LDAH: variants seen among roughly 807,000 people sequenced by gnomAD.
The protein encoded by LDAH is lipid droplet-associated hydrolase.
Under a neutral mutation model 29.6 loss-of-function variants are expected in LDAH, and 26 were observed. The observed-to-expected ratio is 0.88, with a 90% CI of 0.64 to 1.22. The LOEUF is 1.22. Ranked by LOEUF, LDAH falls within the 50% of genes most tolerant of loss-of-function variation. The probability of loss-of-function intolerance (pLI) is 0.00; values close to 1 mark genes in which losing one functional copy is unlikely to be tolerated. For synonymous variants in LDAH, 117 were observed against 133.0 expected, an observed-to-expected ratio of 0.88 and a Z score of 0.83; for missense variants, 344 against 387.3, an observed-to-expected ratio of 0.89 and a Z score of 0.94.
chr2:20,761,484 C>A (rs549763239), intron 4 of LDAH, among the ~76,000 whole-genome samples: 5 of 152,102 alleles, frequency 3.3e-5, no homozygotes, highest in Non-Finnish European at 7.4e-5. Flanking sequence ...TCTATCGGAG[C>A]AATCAGCAAA....
intron 1 of LDAH, among the ~76,000 whole-genome samples, chr2:20,802,032 A>G (rs2125110081): frequency 6.6e-6 from 1 of 151,508 alleles, no homozygotes; most frequent in Non-Finnish European, 1.5e-5. Context: ...ACATATCCAC[A>G]CATACTATAT....
intron 1 of LDAH, among the ~76,000 whole-genome samples, chr2:20,815,840 G>A (rs1335226288): frequency 2.0e-5 from 3 of 152,074 alleles, no homozygotes; most frequent in Non-Finnish European, 4.4e-5. Flanking sequence ...GAAGAACACT[G>A]GAACGGGTAA....
At chr2:20,764,392 G>C (rs1272597845) in intron 4 of LDAH, among the ~76,000 whole-genome samples, 1 of 152,218 alleles carries the variant, frequency 6.6e-6, no homozygotes, top group East Asian at 1.9e-4. Context: ...GGGTCACATA[G>C]AGGTAACTGT....
At chr2:20,764,548 A>G (rs1415670132) in intron 4 of LDAH, among the ~76,000 whole-genome samples, 1 of 152,142 alleles carries the variant, frequency 6.6e-6, no homozygotes, top group Non-Finnish European at 1.5e-5. Flanking sequence ...TTTATCTCCT[A>G]TGCTCCAGAA....
At chr2:20,772,957 G>A (rs1435351604) in intron 4 of LDAH, among the ~76,000 whole-genome samples, 1 of 152,212 alleles carries the variant, frequency 6.6e-6, no homozygotes. Context: ...GAGAGACCCT[G>A]AAGCAGAGAA....
rs202075238 is a variant in LDAH, at chr2:20,806,638, T to TA, written c.-2-5174dup. 2.8e-4 allele frequency among the ~76,000 whole-genome samples: 42 copies of TA among 151,620 alleles called. 1 individual carries two copies. The highest frequency in any genetic ancestry group is 7.8e-4 in the African/African-American group (32 of 41,290). ...AGCCAGAAAACCTTTTTAAAAATGT[T>TA]AAAAAAAATCCATAACCACTGAAAG... On this transcript the variant is annotated intron_variant, in intron 1 of 6. Coordinates refer to ENST00000237822, the MANE Select transcript of LDAH (RefSeq NM_021925.4).
At chr2:20,777,853 T>G (rs1669928244) in intron 3 of LDAH, among the ~76,000 whole-genome samples, 1 of 152,166 alleles carries the variant, frequency 6.6e-6, no homozygotes, top group Admixed American at 6.5e-5. Context: ...ATGCTAGAAA[T>G]TATTAACTTA....
At chr2:20,779,772 C>T (rs1179028862) in intron 3 of LDAH, among the ~76,000 whole-genome samples, 1 of 151,936 alleles carries the variant, frequency 6.6e-6, no homozygotes. Flanking sequence ...TATTTTGCTA[C>T]GTTTTTAAAA....
intron 3 of LDAH, among the ~76,000 whole-genome samples, chr2:20,778,817 A>C (rs1287219353): frequency 6.6e-6 from 1 of 152,156 alleles, no homozygotes; most frequent in Non-Finnish European, 1.5e-5. Context: ...AAATAACTAG[A>C]AGATATTCTT....
intron 5 of LDAH, among the ~76,000 whole-genome samples, chr2:20,723,053 CTT>C (rs1004279642): frequency 1.3e-5 from 2 of 152,146 alleles, no homozygotes; most frequent in African/African-American, 2.4e-5. Flanking sequence ...TAAAAATGCT[CTT>C]GACAGTATTA....
rs754088907 is a variant in LDAH, at chr2:20,798,566, TTAATA to T, written c.154+2739_154+2743del. ...ATAGGCTTAGCTATGTATAATATAA[TTAATA>T]TAATATAATATAATATACATAATAT... On this transcript the variant is annotated intron_variant, in intron 2 of 6. Coordinates refer to ENST00000237822, the MANE Select transcript of LDAH (RefSeq NM_021925.4). Among the ~76,000 whole-genome samples, 200 of 148,294 alleles carry T rather than the reference TTAATA, an allele frequency of 1.3e-3. 1 individual carries two copies. The highest frequency in any genetic ancestry group is 7.1e-3 in the Middle Eastern group (2 of 280).
At chr2:20,796,397 C>T (rs1176738481) in intron 2 of LDAH, among the ~76,000 whole-genome samples, 1 of 152,168 alleles carries the variant, frequency 6.6e-6, no homozygotes, top group Non-Finnish European at 1.5e-5. Context: ...ACTATTACAA[C>T]AACCTCTTCT....
At chr2:20,741,308 C>A (rs1389166594) in intron 4 of LDAH, among the ~76,000 whole-genome samples, 2 of 152,034 alleles carry the variant, frequency 1.3e-5, no homozygotes, top group Admixed American at 1.3e-4. Context: ...AGGGACTGTA[C>A]CTTTGGTTTG....
chr2:20,715,184 G>C (rs533439910), intron 5 of LDAH, among the ~76,000 whole-genome samples: 3 of 152,168 alleles, frequency 2.0e-5, no homozygotes, highest in African/African-American at 4.8e-5. Flanking sequence ...TATCCTCCAC[G>C]ATCAAGTTGG....
At chr2:20,814,271 G>T (rs1672702151) in intron 1 of LDAH, among the ~76,000 whole-genome samples, 1 of 151,538 alleles carries the variant, frequency 6.6e-6, no homozygotes, top group Non-Finnish European at 1.5e-5. Context: ...TATATTGTAG[G>T]GATAGGAATC....
intron 5 of LDAH, among the ~76,000 whole-genome samples, chr2:20,738,910 G>A (rs546818726): frequency 7.9e-5 from 12 of 152,260 alleles, no homozygotes; most frequent in Admixed American, 7.8e-4. Flanking sequence ...TTAGGCATGT[G>A]ACCTTATGGC....
intron 5 of LDAH, among the ~76,000 whole-genome samples, chr2:20,712,435 C>T (rs1204782414): frequency 6.6e-6 from 1 of 152,196 alleles, no homozygotes; most frequent in East Asian, 1.9e-4. Context: ...GGGGAGAAAC[C>T]AGAGCAGAAA....
At chr2:20,799,420 G>A (rs1372837378) in intron 2 of LDAH, among the ~76,000 whole-genome samples, 1 of 152,036 alleles carries the variant, frequency 6.6e-6, no homozygotes, top group African/African-American at 2.4e-5. Context: ...TACCTGTATA[G>A]AACGTGTAAT....
chr2:20,808,794 G>A (rs1224065851), intron 1 of LDAH, among the ~76,000 whole-genome samples: 1 of 152,030 alleles, frequency 6.6e-6, no homozygotes, highest in Non-Finnish European at 1.5e-5. Context: ...GACAAGAACA[G>A]GGAATCCAGA....
Sources: allele counts gnomAD v4.1 joint callset (sites outside exome capture counted in the v4.1 genomes callset), GRCh38; gene constraint gnomAD v4.1.1; transcripts MANE v1.5; gene names NCBI Gene and HGNC (gene_info 2026-07-23, HGNC 2026-07-21).